ABCA1: variants seen among roughly 807,000 people sequenced by gnomAD.
The protein encoded by ABCA1 is ATP binding cassette subfamily A member 1.
Under a neutral mutation model 262.5 loss-of-function variants are expected in ABCA1, and 133 were observed. The ratio of observed to expected loss-of-function variants is 0.51; its 90% CI spans 0.44 to 0.59. ABCA1 has a LOEUF of 0.59. Ranked by LOEUF, ABCA1 falls within the 20% of genes least tolerant of loss-of-function variation. The probability of loss-of-function intolerance (pLI) is 0.00; values close to 1 mark genes in which losing one functional copy is unlikely to be tolerated. For synonymous variants in ABCA1, 1,022 were observed against 1,043.5 expected (o/e 0.98, Z 0.40); for missense variants, 2,452 against 2,777.5 (o/e 0.88, Z 2.63).
chr9:104,786,804 AATGATCGC>A (rs890219967), intron 47 of ABCA1, 61 bp downstream of exon 47: 3 of 1,359,586 alleles, frequency 2.2e-6, no homozygotes, highest in Admixed American at 1.7e-5. Flanking sequence ...ATTTTTACAA[AATGATCGC>A]ATATTCTACT....
intron 45 of ABCA1, 33 bp from the exon 46 acceptor site, chr9:104,788,087 T>C (rs1333959544): frequency 1.2e-6 from 2 of 1,610,768 alleles, no homozygotes; most frequent in Non-Finnish European, 1.7e-6. Context: ...GACTTTGGTC[T>C]GGCTTGGGAA....
At position 104,800,569 on chromosome 9, in the gene ABCA1, G is replaced by C. The variant is rs1285576587; in HGVS notation, c.4714C>G (p.Arg1572Gly). The stretch of plus-strand genomic sequence containing the variant: ...AATCTTCCCAAGCTGTTGAGAAATC[G>C]ATCTGCAGAACTGTCCTGTAAACAA... ...LKLAKDSSADRFLNSLGRFMT... is the reference protein window; with the variant it reads ...LKLAKDSSADGFLNSLGRFMT... Residue 1572 changes from arginine to glycine, a missense_variant, in exon 35 of 50, where the codon CGA becomes GGA. Around this residue, in one of 4 missense-constraint regions of ABCA1, gnomAD observed 752 missense variants for 944.5 expected, o/e 0.80. Coordinates refer to ENST00000374736, the MANE Select transcript of ABCA1 (RefSeq NM_005502.4). 6.2e-7 allele frequency: 1 copy of C among 1,613,958 alleles called. No homozygotes were observed. Among genetic ancestry groups the C allele is most frequent in the Admixed American group, 1.7e-5 (1 of 60,000 alleles).
Position 104,812,700 on chromosome 9 carries a change from G to A in ABCA1, c.3924C>T (p.Leu1308=), listed in dbSNP as rs773244136. ...AGGACCCTTTGCCATCCATCCCACT[G>A]AGCAAGTCTGTCTCTCTGGATTCTG... ...IDPESRETDL[L]SGMDGKGSYQ... The change falls in exon 28 of 50, where the codon CTC becomes CTT. Residue 1308 remains leucine (L), a synonymous_variant. Transcript: ENST00000374736. 3.1e-6 allele frequency: 5 copies of A among 1,614,100 alleles called. No homozygotes were observed. In the South Asian group the frequency reaches 4.4e-5, roughly 14 times the overall value.
rs1457850583 is a variant in ABCA1 at position 104,785,562 on chromosome 9, C to T, written c.6479G>A (p.Gly2160Glu). 1 of 1,613,828 alleles carries T rather than the reference C, an allele frequency of 6.2e-7. No homozygotes were observed. The highest frequency in any genetic ancestry group is 1.1e-5 in the South Asian group (1 of 91,066). ...TAGAACACTTCCAGGAAATGCAAGT[C>T]CAAAGAAATCCTGGACAGGCTTCAG... Reference protein sequence around the residue: ...PDLKPVQDFFGLAFPGSVLKE... With the variant: ...PDLKPVQDFFELAFPGSVLKE... Residue 2160 changes from glycine (G) to glutamate (E), a missense_variant, in exon 49 of 50, where the codon GGA becomes GAA. By Grantham distance (98) the Gly-to-Glu change is moderately conservative. Around this residue, in one of 4 missense-constraint regions of ABCA1, gnomAD observed 752 missense variants for 944.5 expected, o/e 0.80. Coordinates refer to ENST00000374736, the MANE Select transcript of ABCA1 (RefSeq NM_005502.4).
chr9:104,822,776 C>A, intron 18 of ABCA1, 109 bp from the exon 19 acceptor site: 3 of 1,293,744 alleles, frequency 2.3e-6, no homozygotes, highest in Non-Finnish European at 2.2e-6. Flanking sequence ...CTCTCCATGT[C>A]CACCCTGGTT....
intron 14 of ABCA1, among the ~76,000 whole-genome samples, chr9:104,830,578 T>C (rs1391532041): frequency 2.0e-5 from 3 of 151,746 alleles, no homozygotes; most frequent in Non-Finnish European, 4.4e-5. Context: ...TAGTCCCAGC[T>C]ACTGTGGAGG....
rs761013346 is a variant in ABCA1, at chr9:104,796,035, T to C, written c.5382+18A>G. The C allele has an allele frequency of 6.2e-7, 1 of 1,612,092 alleles. No homozygotes were observed. The highest frequency in any genetic ancestry group is 1.3e-5 in the African/African-American group (1 of 74,862). ...GAGATGCTCATCCCAGCAGGAGTGTTCTCTCTGCATGACTCACATTGTCGG... is the reference window on the plus strand; with the variant it reads ...GAGATGCTCATCCCAGCAGGAGTGTCCTCTCTGCATGACTCACATTGTCGG... On this transcript the variant is annotated intron_variant, in intron 39 of 49. Transcript: ENST00000374736.
chr9:104,912,264 C>T (rs140926548), intron 1 of ABCA1, among the ~76,000 whole-genome samples: 11 of 152,236 alleles, frequency 7.2e-5, no homozygotes, highest in African/African-American at 1.9e-4. Context: ...CCGGGTGTGG[C>T]GGCTCATGCC....
At chr9:104,795,925 T>A in intron 39 of ABCA1, 128 bp downstream of exon 39, 1 of 1,343,274 alleles carries the variant, frequency 7.4e-7, no homozygotes, top group Non-Finnish European at 1.1e-6. Context: ...AGACAGACTC[T>A]GAAGACAGGA....
At chr9:104,857,183 A>T (rs1825609697) in intron 7 of ABCA1, among the ~76,000 whole-genome samples, 1 of 152,130 alleles carries the variant, frequency 6.6e-6, no homozygotes, top group African/African-American at 2.4e-5. Flanking sequence ...AGGTGCCTGT[A>T]GTCCCAGGTA....
At chr9:104,787,013 G>A in intron 46 of ABCA1, 37 bp from the exon 47 acceptor site, 8 of 1,552,380 alleles carry the variant, frequency 5.2e-6, no homozygotes, top group Non-Finnish European at 7.0e-6. Context: ...TTTGCTGGGG[G>A]GAAAAAAAAT....
At chr9:104,867,644 G>C (rs1261670732) in intron 5 of ABCA1, among the ~76,000 whole-genome samples, 1 of 152,142 alleles carries the variant, frequency 6.6e-6, no homozygotes, top group Admixed American at 6.5e-5. Context: ...GTAAAGGAAA[G>C]GTTGAAGCTG....
At chr9:104,853,053 C>CCA (rs2119077419) in intron 7 of ABCA1, among the ~76,000 whole-genome samples, 1 of 152,342 alleles carries the variant, frequency 6.6e-6, no homozygotes, top group South Asian at 2.1e-4. Context: ...CTTCTTCGAT[C>CCA]TGTACACAGC....
intron 9 of ABCA1, among the ~76,000 whole-genome samples, chr9:104,839,009 G>T (rs1186445510): frequency 1.3e-5 from 2 of 152,122 alleles, no homozygotes; most frequent in Admixed American, 1.3e-4. Flanking sequence ...AAAGGTTCTT[G>T]TGTTACAATA....
intron 1 of ABCA1, among the ~76,000 whole-genome samples, chr9:104,919,629 C>T (rs1463925030): frequency 1.3e-5 from 2 of 151,850 alleles, no homozygotes; most frequent in Non-Finnish European, 2.9e-5. Flanking sequence ...AAAGCAAAAC[C>T]TACACCCAAA....
chr9:104,908,565 G>A (rs960874429), intron 1 of ABCA1, among the ~76,000 whole-genome samples: 1 of 152,192 alleles, frequency 6.6e-6, no homozygotes, highest in South Asian at 2.1e-4. Context: ...TACTCAGGAG[G>A]CAGGAGAATT....
intron 5 of ABCA1, among the ~76,000 whole-genome samples, chr9:104,876,646 C>T (rs949809583): frequency 2.0e-5 from 3 of 152,254 alleles, no homozygotes; most frequent in East Asian, 1.9e-4. Context: ...AAAAATAAGA[C>T]AGCAAAGGGT....
chr9:104,845,544 AAGGG>A lies in ABCA1; in HGVS notation c.742_745del (p.Pro248SerfsTer27). On this transcript the variant is annotated frameshift_variant, in exon 8 of 50. Coordinates refer to ENST00000374736, the MANE Select transcript of ABCA1 (RefSeq NM_005502.4). LOFTEE classifies it high-confidence loss of function. ...GGCTTCAGCCAGCTCCTTGCTCGGGAAGGGAGATGTAGAGTTTAGTGTTCTCTGT... is the reference window on the plus strand; with the variant it reads ...GGCTTCAGCCAGCTCCTTGCTCGGGAAGATGTAGAGTTTAGTGTTCTCTGT... 1 of 1,613,868 alleles carries A rather than the reference AAGGG, an allele frequency of 6.2e-7. No homozygotes were observed. Among genetic ancestry groups the A allele is most frequent in the Non-Finnish European group, 8.5e-7 (1 of 1,179,796 alleles).
rs1384958643 is a variant in ABCA1 at position 104,840,438 on chromosome 9, G to C, written c.895C>G (p.Gln299Glu). 4.3e-6 allele frequency: 7 copies of C among 1,614,046 alleles called. No homozygotes were observed. Among genetic ancestry groups the C allele is most frequent in the African/African-American group, 2.7e-5 (2 of 74,904 alleles). ...ATACGAGACACAGCCTGGTAGATTT[G>C]GGTGGAGGAGCTGGAGCTGTTCACA... ...TNVNSSSSSTQIYQAVSRIVC... is the reference protein window; with the variant it reads ...TNVNSSSSSTEIYQAVSRIVC... The change falls in exon 9 of 50, where the codon CAA (glutamine) becomes GAA (glutamate). Residue 299 changes from glutamine (Q) to glutamate (E), a missense_variant. By Grantham distance (29) the Gln-to-Glu change is conservative. Transcript: ENST00000374736.
Sources: allele counts gnomAD v4.1 joint callset (sites outside exome capture counted in the v4.1 genomes callset), GRCh38; gene constraint gnomAD v4.1.1; regional missense constraint gnomAD v4.1.1; transcripts MANE v1.5; gene names NCBI Gene and HGNC (gene_info 2026-07-23, HGNC 2026-07-21).